RBM6: variants seen among roughly 807,000 people sequenced by gnomAD.
RBM6 encodes RNA binding motif protein 6.
RBM6 carries 23 observed loss-of-function variants against 140.4 expected under a neutral mutation model. The observed-to-expected ratio is 0.16, with a 90% CI of 0.12 to 0.23. The LOEUF (loss-of-function observed/expected upper bound fraction) is 0.23. Ranked by LOEUF, RBM6 falls within the 10% of genes least tolerant of loss-of-function variation. The probability of loss-of-function intolerance (pLI) is 1.00; values close to 1 mark genes in which losing one functional copy is unlikely to be tolerated. For synonymous variants in RBM6, 439 were observed against 475.6 expected (o/e 0.92, Z 1.00); for missense variants, 1,139 against 1,386.7 (o/e 0.82, Z 2.84).
intron 8 of RBM6, among the ~76,000 whole-genome samples, chr3:50,056,151 A>G (rs1447058091): frequency 1.3e-5 from 2 of 152,156 alleles, no homozygotes; most frequent in Non-Finnish European, 2.9e-5. Flanking sequence ...CTAGAAACCA[A>G]ACCAAAATGT....
rs372974013 is a variant in RBM6 at position 49,946,115 on chromosome 3, T to G, written c.-67+5890T>G. ...CTCCCAGCCTCCAGAGCTGTGAGAA[T>G]AATTTCTGTGGCTTAAGCCTTCCAC... On this transcript the variant is annotated intron_variant, in intron 1 of 20. Coordinates refer to ENST00000266022, the MANE Select transcript of RBM6 (RefSeq NM_005777.3). Among the ~76,000 whole-genome samples the G allele has an allele frequency of 5.3e-5, 8 of 152,210 alleles. No homozygotes were observed. The East Asian group carries it at 1.4e-3, about 26-fold the overall frequency.
At chr3:49,968,769 GCT>G in intron 3 of RBM6, 21 bp downstream of exon 3, 10 of 537,106 alleles carry the variant, frequency 1.9e-5, no homozygotes, top group Admixed American at 8.9e-5. Flanking sequence ...GGGGTGGATT[GCT>G]TTTTTTTTTT....
chr3:50,016,406 G>C (rs563196395), intron 6 of RBM6, among the ~76,000 whole-genome samples: 6 of 152,112 alleles, frequency 3.9e-5, no homozygotes, highest in Non-Finnish European at 2.9e-5. Flanking sequence ...GTGAACATGG[G>C]AATGCAGGTA....
At chr3:49,974,673 ATTTTTTTTTTTTTTTT>A (rs55872898) in intron 4 of RBM6, among the ~76,000 whole-genome samples, 8 of 72,452 alleles carry the variant, frequency 1.1e-4, no homozygotes, top group African/African-American at 5.2e-4. Context: ...TGCCCGGCCA[ATTTTTTTTTTTTTTTT>A]TTTTTTTTTT....
At chr3:50,062,258 A>G in intron 15 of RBM6, 150 bp downstream of exon 15, 3 of 923,802 alleles carry the variant, frequency 3.2e-6, no homozygotes, top group Non-Finnish European at 4.7e-6. Flanking sequence ...TAATCCCAGC[A>G]CTTTGGGAGG....
At chr3:49,987,078 A>T (rs1274261318) in intron 5 of RBM6, among the ~76,000 whole-genome samples, 1 of 151,108 alleles carries the variant, frequency 6.6e-6, no homozygotes, top group Non-Finnish European at 1.5e-5. Context: ...GCCTTATTTT[A>T]TTATTTTTTT....
Position 50,061,451 on chromosome 3 carries a change from G to A in RBM6, c.2354-11G>A, listed in dbSNP as rs1355268420. The A allele has an allele frequency of 6.3e-7, 1 of 1,583,268 alleles. No homozygotes were observed. Among genetic ancestry groups the A allele is most frequent in the Admixed American group, 2.0e-5 (1 of 50,800 alleles). ...AGAGACTAACATTGGCTCTGATCTTGTTACCTTTAGCATCATCTGACTGCT... is the reference window on the plus strand; with the variant it reads ...AGAGACTAACATTGGCTCTGATCTTATTACCTTTAGCATCATCTGACTGCT... On this transcript the variant is annotated splice_polypyrimidine_tract_variant and intron_variant, in intron 13 of 20. Coordinates refer to ENST00000266022, the MANE Select transcript of RBM6 (RefSeq NM_005777.3).
At chr3:50,036,425 A>G (rs2088542072) in intron 6 of RBM6, among the ~76,000 whole-genome samples, 1 of 152,154 alleles carries the variant, frequency 6.6e-6, no homozygotes, top group Non-Finnish European at 1.5e-5. Context: ...GGATATAGTT[A>G]GTGACATGCT....
Position 49,967,667 on chromosome 3 carries a change from C to T in RBM6, c.242C>T (p.Pro81Leu), listed in dbSNP as rs374876120. The T allele has an allele frequency of 9.5e-5, 153 of 1,613,908 alleles. No homozygotes were observed. Among genetic ancestry groups the T allele is most frequent in the Non-Finnish European group, 1.2e-4 (141 of 1,180,028 alleles). Residue 81 changes from proline (P) to leucine (L), a missense_variant, in exon 3 of 21, where the codon CCG (proline) becomes CTG (leucine). Physicochemically the swap from Pro to Leu is moderately conservative, Grantham distance 98. Transcript: ENST00000266022. The surrounding 1 kb of genome is among the most constrained non-coding windows in gnomAD (Gnocchi z 4.0). ...HSFSYGARDG[P>L]HGDYRGGEGP... is the part of the protein sequence containing the mutation. ...TTCAGCTATGGAGCTAGAGACGGAC[C>T]GCATGGTGACTATCGAGGAGGGGAG...
intron 6 of RBM6, among the ~76,000 whole-genome samples, chr3:50,030,836 G>A (rs1311339201): frequency 1.3e-5 from 2 of 152,064 alleles, no homozygotes; most frequent in Admixed American, 1.3e-4. Context: ...GAAGGAAGGG[G>A]GATGAAAATG....
intron 1 of RBM6, among the ~76,000 whole-genome samples, chr3:49,959,974 C>T (rs186338627): frequency 6.6e-6 from 1 of 152,290 alleles, no homozygotes; most frequent in East Asian, 1.9e-4. Context: ...CAAAGAGTTT[C>T]ACCTCAACTT....
At chr3:49,943,961 C>T (rs1378908772) in intron 1 of RBM6, among the ~76,000 whole-genome samples, 1 of 152,120 alleles carries the variant, frequency 6.6e-6, no homozygotes, top group African/African-American at 2.4e-5. Flanking sequence ...GATAGCCACC[C>T]TAATGGGTGT....
chr3:50,003,673 G>GC (rs1388524107), intron 6 of RBM6, among the ~76,000 whole-genome samples: 1 of 152,222 alleles, frequency 6.6e-6, no homozygotes, highest in Non-Finnish European at 1.5e-5. Context: ...CTGGTGCCTA[G>GC]ATCAAGCTGT....
chr3:50,023,849 T>C lies in RBM6; in HGVS notation c.1557+24336T>C, dbSNP rs563294452. Among the ~76,000 whole-genome samples the C allele has an allele frequency of 3.2e-4, 48 of 152,106 alleles. 1 individual carries two copies. Among genetic ancestry groups the C allele is most frequent in the African/African-American group, 1.2e-3 (48 of 41,502 alleles). On this transcript the variant is annotated intron_variant, in intron 6 of 20. Transcript: ENST00000266022. ...TTTTTGTAGAGATGGGGTTTCACCA[T>C]GTTGGCCAGGCTGGTCTTGAACTCC... is the stretch of plus-strand genomic sequence containing the variant.
intron 5 of RBM6, among the ~76,000 whole-genome samples, chr3:49,993,114 G>A (rs79918315): frequency 0.017 from 2,570 of 152,190 alleles, 50 homozygotes; most frequent in African/African-American, 0.058. Flanking sequence ...AAACTCTGGG[G>A]CAAAGACGTT....
intron 6 of RBM6, among the ~76,000 whole-genome samples, chr3:50,014,310 A>G (rs564674248): frequency 3.3e-5 from 5 of 152,280 alleles, no homozygotes; most frequent in Admixed American, 3.3e-4. Context: ...ACCTATTTTG[A>G]TATGTGGACC....
At chr3:49,999,867 C>T (rs2086246236) in intron 6 of RBM6, among the ~76,000 whole-genome samples, 1 of 152,108 alleles carries the variant, frequency 6.6e-6, no homozygotes, top group Admixed American at 6.6e-5. Context: ...TCTGTGACCC[C>T]AAGGATCTGC....
intron 1 of RBM6, among the ~76,000 whole-genome samples, chr3:49,943,039 A>G (rs1161074992): frequency 6.6e-6 from 1 of 152,106 alleles, no homozygotes; most frequent in Non-Finnish European, 1.5e-5. Context: ...ACTTAGTGTA[A>G]TGGTTTCAAG....
chr3:49,967,123 C>A lies in RBM6; in HGVS notation c.45-347C>A, dbSNP rs1238207411. 8.8e-6 allele frequency: 6 copies of A among 678,564 alleles called. No homozygotes were observed. Among genetic ancestry groups the A allele is most frequent in the Non-Finnish European group, 1.1e-5 (6 of 534,160 alleles). 42.0% of individuals were successfully genotyped at this position (678,564 alleles called of 1,614,324 possible). A position where few individuals can be genotyped will look rare whatever the true frequency, so the allele number is the denominator to read the frequency against. On this transcript the variant is annotated intron_variant, in intron 2 of 20. Coordinates refer to ENST00000266022, the MANE Select transcript of RBM6 (RefSeq NM_005777.3). This position sits in a 1 kb window ranked among gnomAD's most constrained non-coding sequence, Gnocchi z 4.0. ...ACCTTGGAATTCTTAAGTTCCCTGG[C>A]TGTAGGAAATGGAAATTTTTGTAGT...
Sources: gnomAD v4.1 joint callset for allele counts (sites outside exome capture counted in the v4.1 genomes callset) on GRCh38, gnomAD v4.1.1 for gene constraint, Gnocchi (gnomAD v3.1) non-coding constraint, MANE v1.5 for transcripts, NCBI Gene and HGNC (gene_info 2026-07-23, HGNC 2026-07-21) for gene names.